The following UBE2D2 variants were observed in gnomAD, a reference collection of about 807,000 sequenced individuals.
UBE2D2 encodes ubiquitin conjugating enzyme E2 D2.
Under a neutral mutation model 24.2 loss-of-function variants are expected in UBE2D2, and 2 were observed. That is an observed-to-expected ratio of 0.08 (90% CI 0.03 to 0.26). UBE2D2 has a LOEUF of 0.26. Ranked by LOEUF, UBE2D2 falls within the 10% of genes least tolerant of loss-of-function variation. UBE2D2 has a pLI of 1.00. For missense variants in UBE2D2, 44 were observed against 177.6 expected (o/e 0.25, Z 4.28); for synonymous variants, 58 against 56.5 (o/e 1.03, Z -0.12).
chr5:139,561,179 A>C (rs1230943149), upstream of UBE2D2: 1 of 152,522 alleles, frequency 6.6e-6, no homozygotes, highest in African/African-American at 2.4e-5. Context: ...TCGCAGCGTC[A>C]CGCCCTCCGG....
intron 6 of UBE2D2, among the ~76,000 whole-genome samples, chr5:139,624,990 T>C (rs1259010126): frequency 1.3e-5 from 2 of 152,180 alleles, no homozygotes; most frequent in African/African-American, 2.4e-5. Context: ...TCCCAAGTCA[T>C]CATGGAGTAA....
chr5:139,543,851 G>A (rs1581482413), intron 1 of UBE2D2, among the ~76,000 whole-genome samples: 1 of 152,138 alleles, frequency 6.6e-6, no homozygotes, highest in East Asian at 1.9e-4. Flanking sequence ...CACACTATCT[G>A]GAGTAGGCAC....
chr5:139,570,319 A>G (rs1753323498), intron 1 of UBE2D2, among the ~76,000 whole-genome samples: 1 of 152,060 alleles, frequency 6.6e-6, no homozygotes, highest in Admixed American at 6.6e-5. Flanking sequence ...TTGGTGTTCT[A>G]TTCTCACCAC....
chr5:139,593,527 TTATA>T (rs959420888), intron 1 of UBE2D2, among the ~76,000 whole-genome samples: 1 of 151,960 alleles, frequency 6.6e-6, no homozygotes, highest in African/African-American at 2.4e-5. Flanking sequence ...GTATACATTG[TTATA>T]TATACATTGT....
intron 1 of UBE2D2, among the ~76,000 whole-genome samples, chr5:139,574,225 G>A (rs1342354380): frequency 1.4e-5 from 2 of 141,070 alleles, no homozygotes; most frequent in East Asian, 4.2e-4. Context: ...AGGTTGCAGT[G>A]AGCTGAGATT....
At chr5:139,528,217 C>G (rs942996687) in intron 1 of UBE2D2, among the ~76,000 whole-genome samples, 1 of 152,152 alleles carries the variant, frequency 6.6e-6, no homozygotes, top group Non-Finnish European at 1.5e-5. Flanking sequence ...TGTTCATCCC[C>G]GAGTGGATGT....
At chr5:139,550,435 G>T (rs530962516) in intron 1 of UBE2D2, among the ~76,000 whole-genome samples, 3 of 152,184 alleles carry the variant, frequency 2.0e-5, no homozygotes, top group South Asian at 2.1e-4. Context: ...ACCAATCAGC[G>T]CTCTGTAAAA....
chr5:139,573,415 A>G (rs1029341509), intron 1 of UBE2D2, among the ~76,000 whole-genome samples: 4 of 152,162 alleles, frequency 2.6e-5, no homozygotes, highest in Non-Finnish European at 5.9e-5. Flanking sequence ...CATCCTCATC[A>G]GGTACTCCTT....
chr5:139,587,270 C>T (rs150492989), intron 1 of UBE2D2, among the ~76,000 whole-genome samples: 1 of 152,194 alleles, frequency 6.6e-6, no homozygotes, highest in African/African-American at 2.4e-5. Flanking sequence ...GGGTGCCTCA[C>T]TGGATCAGGA....
intron 6 of UBE2D2, among the ~76,000 whole-genome samples, chr5:139,624,678 C>T (rs1226854865): frequency 3.3e-5 from 5 of 152,182 alleles, no homozygotes; most frequent in Admixed American, 2.0e-4. Context: ...CGCAGCTACT[C>T]GAGAGGCTGA....
chr5:139,606,109 T>C (rs165179), intron 2 of UBE2D2, among the ~76,000 whole-genome samples: 12,424 of 145,384 alleles, frequency 0.085, 599 homozygotes, highest in Middle Eastern at 0.13. Context: ...TGTAGGTCTC[T>C]GGGGATTCAG....
At chr5:139,590,127 G>A (rs1561512992) in intron 1 of UBE2D2, among the ~76,000 whole-genome samples, 1 of 152,054 alleles carries the variant, frequency 6.6e-6, no homozygotes, top group Non-Finnish European at 1.5e-5. Context: ...TAATACTCGT[G>A]TATAAAAATA....
Position 139,579,813 on chromosome 5 carries a change from C to T in UBE2D2, c.24+17998C>T, listed in dbSNP as rs183892652. The stretch of plus-strand genomic sequence containing the variant: ...CTGTAATCCCAGCACTTTGGAAGGC[C>T]GCGGTGGGCAGATCACGAGGTCAGG... On this transcript the variant is annotated intron_variant, in intron 1 of 6. Coordinates refer to ENST00000398733, the MANE Select transcript of UBE2D2 (RefSeq NM_003339.3). Among the ~76,000 whole-genome samples, 65 of 151,904 alleles carry T rather than the reference C, an allele frequency of 4.3e-4. No homozygotes were observed. In the East Asian group the frequency reaches 6.5e-3, roughly 15 times the overall value.
chr5:139,607,403 A>G (rs568884972), intron 2 of UBE2D2, among the ~76,000 whole-genome samples: 1 of 152,288 alleles, frequency 6.6e-6, no homozygotes, highest in East Asian at 1.9e-4. Flanking sequence ...TGAGAGCCAT[A>G]AAGATTATTT....
intron 1 of UBE2D2, among the ~76,000 whole-genome samples, chr5:139,600,021 C>T (rs1754039821): frequency 6.6e-6 from 1 of 152,064 alleles, no homozygotes; most frequent in African/African-American, 2.4e-5. Flanking sequence ...TGGTCTCGAA[C>T]TCCTGACCTC....
At chr5:139,569,296 G>T (rs1753304269) in intron 1 of UBE2D2, among the ~76,000 whole-genome samples, 1 of 151,900 alleles carries the variant, frequency 6.6e-6, no homozygotes, top group South Asian at 2.1e-4. Context: ...CTACTAGATT[G>T]TTATTTAAAT....
chr5:139,576,850 G>A (rs992797110), intron 1 of UBE2D2, among the ~76,000 whole-genome samples: 1 of 151,242 alleles, frequency 6.6e-6, no homozygotes, highest in Non-Finnish European at 1.5e-5. Context: ...TTTGGAGGCT[G>A]GAATGTTCAA....
intron 1 of UBE2D2, among the ~76,000 whole-genome samples, chr5:139,550,433 G>C (rs1752895090): frequency 6.6e-6 from 1 of 152,112 alleles, no homozygotes; most frequent in African/African-American, 2.4e-5. Context: ...GGACCAATCA[G>C]CGCTCTGTAA....
At chr5:139,574,015 A>G (rs981358804) in intron 1 of UBE2D2, among the ~76,000 whole-genome samples, 1 of 151,934 alleles carries the variant, frequency 6.6e-6, no homozygotes, top group Non-Finnish European at 1.5e-5. Flanking sequence ...TCTCCTAGAT[A>G]TAAGTCAATT....
Sources: allele counts gnomAD v4.1 joint callset (sites outside exome capture counted in the v4.1 genomes callset), GRCh38; gene constraint gnomAD v4.1.1; transcripts MANE v1.5; gene names NCBI Gene and HGNC (gene_info 2026-07-23, HGNC 2026-07-21).